The following KDM4C variants were observed in gnomAD, a reference collection of about 807,000 sequenced individuals.
KDM4C encodes the protein lysine demethylase 4C.
A neutral mutation model predicts 129.3 loss-of-function variants in KDM4C; 81 were observed. That is an observed-to-expected ratio of 0.63 (90% CI 0.52 to 0.75). KDM4C has a LOEUF of 0.75. Among genes scored for constraint, KDM4C ranks in the 30% least tolerant of loss-of-function variants. The pLI is 0.00. For synonymous variants in KDM4C, 573 were observed against 456.1 expected (o/e 1.26, Z -3.26); for missense variants, 1,457 against 1,304.0 (o/e 1.12, Z -1.81).
intron 2 of KDM4C, among the ~76,000 whole-genome samples, chr9:6,796,322 G>A (rs539832046): frequency 2.0e-4 from 30 of 152,286 alleles, no homozygotes; most frequent in African/African-American, 6.7e-4. Flanking sequence ...GTGGGCGCCT[G>A]TAGTCCCAGC....
rs189166144 is a variant in KDM4C, at chr9:7,055,082, G to A, written c.2424+5882G>A. 5.5e-4 allele frequency among the ~76,000 whole-genome samples: 83 copies of A among 152,210 alleles called. 1 individual carries two copies. Among genetic ancestry groups the A allele is most frequent in the Admixed American group, 1.3e-3 (20 of 15,302 alleles). ...AGTACCAGCTGCTCGGGAGCCTATC[G>A]CAGGAGAATTGCTTGAACCTGGGAG... is the stretch of plus-strand genomic sequence containing the variant. On this transcript the variant is annotated intron_variant, in intron 17 of 21. Transcript: ENST00000381309.
At chr9:7,136,981 G>T in intron 19 of KDM4C, among the ~76,000 whole-genome samples, 1 of 152,158 alleles carries the variant, frequency 6.6e-6, no homozygotes, top group East Asian at 1.9e-4. Context: ...TAGCTTTCTT[G>T]TGAGATTTAT....
chr9:6,971,764 G>A (rs1036960082), intron 8 of KDM4C, among the ~76,000 whole-genome samples: 1 of 152,068 alleles, frequency 6.6e-6, no homozygotes, highest in Non-Finnish European at 1.5e-5. Context: ...CTAATCAAGG[G>A]TTCTACACAA....
At chr9:6,821,267 C>G (rs1019709635) in intron 4 of KDM4C, among the ~76,000 whole-genome samples, 1 of 152,168 alleles carries the variant, frequency 6.6e-6, no homozygotes, top group African/African-American at 2.4e-5. Context: ...AATGATAATT[C>G]TAGTTCTAGA....
At chr9:6,760,649 CA>C (rs1393462861) in intron 1 of KDM4C, among the ~76,000 whole-genome samples, 1 of 151,954 alleles carries the variant, frequency 6.6e-6, no homozygotes, top group Non-Finnish European at 1.5e-5. Flanking sequence ...CTGCTCACTG[CA>C]AGCTCCGCCT....
chr9:7,128,485 A>G (rs1369551242), intron 19 of KDM4C, among the ~76,000 whole-genome samples: 1 of 152,222 alleles, frequency 6.6e-6, no homozygotes, highest in African/African-American at 2.4e-5. Flanking sequence ...TTAAAGGTCC[A>G]CCTGTTAATA....
At chr9:6,972,003 C>G (rs923461767) in intron 8 of KDM4C, among the ~76,000 whole-genome samples, 10 of 152,090 alleles carry the variant, frequency 6.6e-5, no homozygotes, top group African/African-American at 2.4e-4. Flanking sequence ...TGATGCCTGT[C>G]TTCACCGAGT....
intron 2 of KDM4C, among the ~76,000 whole-genome samples, chr9:6,799,278 G>T (rs1350050467): frequency 6.6e-6 from 1 of 152,220 alleles, no homozygotes; most frequent in Non-Finnish European, 1.5e-5. Context: ...GGGCACCATT[G>T]AGCACTGAGT....
chr9:7,065,991 CTT>C (rs920957505), intron 17 of KDM4C, among the ~76,000 whole-genome samples: 1 of 93,354 alleles, frequency 1.1e-5, no homozygotes, highest in African/African-American at 3.4e-5. Flanking sequence ...GGGGTAACAG[CTT>C]TAAAAAAAAA....
chr9:7,045,782 T>C (rs1045164646), intron 15 of KDM4C, among the ~76,000 whole-genome samples: 1 of 152,076 alleles, frequency 6.6e-6, no homozygotes, highest in Non-Finnish European at 1.5e-5. Flanking sequence ...CATTTATTAC[T>C]GCCTAACAAA....
intron 12 of KDM4C, 106 bp downstream of exon 12, chr9:6,990,630 A>C (rs1022298757): frequency 7.6e-5 from 52 of 686,284 alleles, no homozygotes; most frequent in Non-Finnish European, 1.1e-4. Flanking sequence ...CAAGTAGCAA[A>C]TACGTACTAT....
At chr9:6,995,879 G>T (rs1048085183) in intron 12 of KDM4C, among the ~76,000 whole-genome samples, 14 of 139,154 alleles carry the variant, frequency 1.0e-4, no homozygotes, top group Non-Finnish European at 1.9e-4. Flanking sequence ...CACTGTGTTA[G>T]CCAGGATGGT....
rs368747992 is a variant in KDM4C, at chr9:7,086,489, T to C, written c.2425-17196T>C. Among the ~76,000 whole-genome samples, 16 of 152,290 alleles carry C rather than the reference T, an allele frequency of 1.1e-4. No individual in the cohort carries two copies. The East Asian group carries it at 2.3e-3, about 22-fold the overall frequency. On this transcript the variant is annotated intron_variant, in intron 17 of 21. Coordinates refer to ENST00000381309, the MANE Select transcript of KDM4C (RefSeq NM_015061.6). The stretch of plus-strand genomic sequence containing the variant: ...CTTGTGAGAAATGGGTGAGTCCACA[T>C]TGGAATAGGCTTGCTCTAAGAGAGA...
In KDM4C at chr9:7,169,776, A is replaced by G. The variant is rs372501425; in HGVS notation, c.2902-22A>G. 681 of 1,580,438 alleles carry G rather than the reference A, an allele frequency of 4.3e-4. 8 individuals are homozygous for G. The South Asian group carries it at 4.8e-3, about 11-fold the overall frequency. ...CAGTGCTGTTTTTTTAATATGTATC[A>G]TGTTATATTATCTTTCATTAGGTTG... On this transcript the variant is annotated intron_variant, in intron 20 of 21. Coordinates refer to ENST00000381309, the MANE Select transcript of KDM4C (RefSeq NM_015061.6).
At chr9:7,046,784 CTG>C in intron 15 of KDM4C, 76 bp from the exon 16 acceptor site, 1 of 966,286 alleles carries the variant, frequency 1.0e-6, no homozygotes, top group African/African-American at 1.6e-5. Flanking sequence ...ATCAGGATCT[CTG>C]AGAATATTTA....
At chr9:7,008,843 C>T (rs1285259016) in intron 12 of KDM4C, among the ~76,000 whole-genome samples, 1 of 152,186 alleles carries the variant, frequency 6.6e-6, no homozygotes, top group Admixed American at 6.5e-5. Context: ...ACCCTTGGAC[C>T]ATGCCAGATG....
At chr9:6,948,459 T>C (rs986895304) in intron 8 of KDM4C, among the ~76,000 whole-genome samples, 6 of 106,178 alleles carry the variant, frequency 5.7e-5, no homozygotes, top group African/African-American at 8.3e-5. Context: ...ACTTTCCTCA[T>C]TTTTTTTTTT....
chr9:7,001,156 G>A (rs945402495), intron 12 of KDM4C, among the ~76,000 whole-genome samples: 2 of 152,130 alleles, frequency 1.3e-5, no homozygotes, highest in Non-Finnish European at 2.9e-5. Context: ...TCAGAGAAAT[G>A]GTGAGATGAG....
rs772789838 is a variant in KDM4C, at chr9:7,103,693, C to G, written c.2433C>G (p.Ile811Met). 65 of 1,602,382 alleles carry G rather than the reference C, an allele frequency of 4.1e-5. No homozygotes were observed. Among genetic ancestry groups the G allele is most frequent in the Non-Finnish European group, 5.2e-5 (61 of 1,173,052 alleles). The change falls in exon 18 of 22, where the codon ATC (isoleucine) becomes ATG (methionine). Residue 811 changes from isoleucine to methionine, a missense_variant. Physicochemically the swap from Ile to Met is conservative, Grantham distance 10. Transcript: ENST00000381309. ...IPLQRLKLKCIFCRHRVKRVS... is the reference protein window; with the variant it reads ...IPLQRLKLKCMFCRHRVKRVS... ...CTGTTTTAACCTTCCAGAAATGCAT[C>G]TTCTGCAGACACCGGGTTAAGAGGG... is the stretch of plus-strand genomic sequence containing the variant.
Sources: gnomAD v4.1 joint callset for allele counts (sites outside exome capture counted in the v4.1 genomes callset) on GRCh38, gnomAD v4.1.1 for gene constraint, MANE v1.5 for transcripts, NCBI Gene and HGNC (gene_info 2026-07-23, HGNC 2026-07-21) for gene names.